Variants in PRIM2 observed in about 807,000 individuals in gnomAD.
PRIM2 encodes DNA primase subunit 2, also known as DNA primase large subunit.
In PRIM2, 39 loss-of-function variants were observed where a neutral mutation model predicts 67.3. That is an observed-to-expected ratio of 0.58 (90% CI 0.45 to 0.76). The LOEUF (loss-of-function observed/expected upper bound fraction) is 0.76, where lower values mean the gene tolerates loss of function less well. Ranked by LOEUF, PRIM2 falls within the 30% of genes least tolerant of loss-of-function variation. The pLI is 0.00. For missense variants in PRIM2, 398 were observed against 598.7 expected (o/e 0.66, Z 3.50); for synonymous variants, 143 against 198.7 (o/e 0.72, Z 2.36).
chr6:57,344,555 T>C (rs1207465044), intron 5 of PRIM2, among the ~76,000 whole-genome samples: 1 of 152,212 alleles, frequency 6.6e-6, no homozygotes, highest in African/African-American at 2.4e-5. Flanking sequence ...GCTTCCTTTT[T>C]AAAAGTAAAC....
chr6:57,510,779 T>C, intron 8 of PRIM2, among the ~76,000 whole-genome samples: 3 of 152,342 alleles, frequency 2.0e-5, no homozygotes, highest in East Asian at 3.9e-4. Flanking sequence ...CTTTCAAGAA[T>C]ACTGAATTGT....
intron 10 of PRIM2, among the ~76,000 whole-genome samples, chr6:57,574,481 C>T (rs1262023871): frequency 3.3e-5 from 5 of 152,160 alleles, no homozygotes; most frequent in Non-Finnish European, 7.3e-5. Context: ...AACCTTCTAC[C>T]CGGTAACAGT....
chr6:57,637,460 C>T (rs1227060497), intron 13 of PRIM2, among the ~76,000 whole-genome samples: 16 of 152,148 alleles, frequency 1.1e-4, no homozygotes, highest in East Asian at 3.9e-4. Flanking sequence ...CAACCTCCTC[C>T]GAACTAAAGG....
the PRIM2 span, among the ~76,000 whole-genome samples, chr6:57,232,592 G>A: frequency 6.6e-6 from 1 of 152,038 alleles, no homozygotes; most frequent in African/African-American, 2.4e-5. Flanking sequence ...GGATGGTTAG[G>A]TACCAGGAAA....
intron 11 of PRIM2, among the ~76,000 whole-genome samples, chr6:57,602,910 A>G (rs1776495493): frequency 6.6e-6 from 1 of 152,172 alleles, no homozygotes; most frequent in African/African-American, 2.4e-5. Flanking sequence ...CAGAGTTCCC[A>G]TATACCTCCA....
At chr6:57,412,537 A>G (rs1401545171) in intron 7 of PRIM2, among the ~76,000 whole-genome samples, 2 of 151,704 alleles carry the variant, frequency 1.3e-5, no homozygotes, top group Non-Finnish European at 2.9e-5. Flanking sequence ...TATCTATACT[A>G]CTTCAGTTTG....
chr6:57,305,788 A>T, the PRIM2 span, among the ~76,000 whole-genome samples: 1 of 152,218 alleles, frequency 6.6e-6, no homozygotes, highest in East Asian at 1.9e-4. Context: ...AATCAGGGAT[A>T]TTCTACTAAA....
intron 7 of PRIM2, among the ~76,000 whole-genome samples, chr6:57,441,521 C>T (rs924944197): frequency 3.9e-5 from 6 of 152,030 alleles, no homozygotes; most frequent in Non-Finnish European, 7.4e-5. Context: ...GAACAGTGGT[C>T]ACATAAATAC....
chr6:57,247,484 G>T, the PRIM2 span, among the ~76,000 whole-genome samples: 1 of 152,182 alleles, frequency 6.6e-6, no homozygotes, highest in African/African-American at 2.4e-5. Context: ...TTATAGTTGA[G>T]GCTTATTCAG....
At chr6:57,328,098 T>C (rs944856323) in intron 5 of PRIM2, among the ~76,000 whole-genome samples, 3 of 152,172 alleles carry the variant, frequency 2.0e-5, no homozygotes, top group Non-Finnish European at 4.4e-5. Context: ...TGGTTCCTAA[T>C]GGGCCATGTG....
chr6:57,331,581 A>G lies in PRIM2; in HGVS notation c.459+5536A>G, dbSNP rs576940320. ...TACCAATTCATTCTCTTTACTTATTATGAATCTATTTAAGTTTTATATTAC... is the reference window on the plus strand; with the variant it reads ...TACCAATTCATTCTCTTTACTTATTGTGAATCTATTTAAGTTTTATATTAC... On this transcript the variant is annotated intron_variant, in intron 5 of 13. Coordinates refer to ENST00000615550, the MANE Select transcript of PRIM2 (RefSeq NM_000947.5). Among the ~76,000 whole-genome samples, 15 of 152,234 alleles carry G rather than the reference A, an allele frequency of 9.9e-5. No individual in the cohort carries two copies. The East Asian group carries it at 2.9e-3, about 29-fold the overall frequency.
At chr6:57,572,944 T>G (rs1324191013) in intron 10 of PRIM2, among the ~76,000 whole-genome samples, 2 of 152,202 alleles carry the variant, frequency 1.3e-5, no homozygotes, top group Non-Finnish European at 2.9e-5. Flanking sequence ...TAGTTACTTA[T>G]TTATTTACTT....
intron 10 of PRIM2, among the ~76,000 whole-genome samples, chr6:57,587,685 AAAAAAAAAAG>A (rs1427916383): frequency 4.0e-5 from 6 of 150,058 alleles, no homozygotes; most frequent in African/African-American, 1.5e-4. Context: ...AAAAAAAAAA[AAAAAAAAAAG>A]GCAGAACACA....
chr6:57,545,685 C>T (rs1208651105), intron 10 of PRIM2, among the ~76,000 whole-genome samples: 31 of 152,236 alleles, frequency 2.0e-4, no homozygotes, highest in African/African-American at 6.7e-4. Context: ...CTACCCACCT[C>T]GGCCTCCTAA....
chr6:57,273,729 T>A, the PRIM2 span, among the ~76,000 whole-genome samples: 1 of 152,232 alleles, frequency 6.6e-6, no homozygotes, highest in Non-Finnish European at 1.5e-5. Context: ...CCAGTTTTTC[T>A]GCTCTGTTTT....
intron 7 of PRIM2, among the ~76,000 whole-genome samples, chr6:57,434,561 G>A (rs1049488383): frequency 5.3e-5 from 8 of 152,106 alleles, no homozygotes; most frequent in African/African-American, 1.7e-4. Context: ...CGTTTCTGAA[G>A]TAACATGGAA....
At chr6:57,470,397 C>A (rs1300944105) in intron 7 of PRIM2, among the ~76,000 whole-genome samples, 1 of 94,178 alleles carries the variant, frequency 1.1e-5, no homozygotes, top group Non-Finnish European at 2.1e-5. Context: ...AGGGGCCTCT[C>A]CCCCTCTCCC....
chr6:57,394,547 A>G (rs1470866804), intron 7 of PRIM2, among the ~76,000 whole-genome samples: 2 of 152,150 alleles, frequency 1.3e-5, no homozygotes, highest in Non-Finnish European at 2.9e-5. Flanking sequence ...TTCTTTTATC[A>G]GTTCTAGGAG....
chr6:57,300,764 T>G, the PRIM2 span, among the ~76,000 whole-genome samples: 11 of 152,154 alleles, frequency 7.2e-5, no homozygotes, highest in African/African-American at 2.7e-4. Context: ...GGCTCACACC[T>G]GTAATCCCAG....
Sources: gnomAD v4.1 joint callset for allele counts (sites outside exome capture counted in the v4.1 genomes callset) on GRCh38, gnomAD v4.1.1 for gene constraint, MANE v1.5 for transcripts, NCBI Gene and HGNC (gene_info 2026-07-23, HGNC 2026-07-21) for gene names.